Variants in RORA observed in about 807,000 individuals in gnomAD.
The protein encoded by RORA is RAR related orphan receptor A.
A neutral mutation model predicts 69.5 loss-of-function variants in RORA; 7 were observed. That is an observed-to-expected ratio of 0.10 (90% CI 0.06 to 0.19). The LOEUF is 0.19. Among genes scored for constraint, RORA ranks in the 10% least tolerant of loss-of-function variants. The pLI is 1.00. For synonymous variants in RORA, 261 were observed against 240.8 expected (o/e 1.08, Z -0.78); for missense variants, 457 against 663.0 (o/e 0.69, Z 3.41).
rs2079167013 is a variant in RORA, at chr15:61,128,985, A to C, written c.166+100068T>G. 2.0e-5 allele frequency among the ~76,000 whole-genome samples: 3 copies of C among 152,230 alleles called. 1 individual carries two copies. In the South Asian group the frequency reaches 6.2e-4, roughly 31 times the overall value. ...CTTAACCCTTTACAAAATAATAACT[A>C]GTGTCATGAATTAAAATAGCTGAAA... On this transcript the variant is annotated intron_variant, in intron 1 of 10. Transcript: ENST00000335670. The surrounding 1 kb of genome is among the most constrained non-coding windows in gnomAD (Gnocchi z 4.5).
At chr15:61,150,399 G>T in intron 1 of RORA, among the ~76,000 whole-genome samples, 1 of 151,226 alleles carries the variant, frequency 6.6e-6, no homozygotes, top group Middle Eastern at 3.4e-3. Flanking sequence ...CAAATAATAT[G>T]TACATACAAA....
At chr15:61,181,085 CA>C (rs1172055165) in intron 1 of RORA, among the ~76,000 whole-genome samples, 2 of 128,238 alleles carry the variant, frequency 1.6e-5, no homozygotes, top group Non-Finnish European at 3.1e-5. Flanking sequence ...GCCAGGGAGA[CA>C]GAGCGAGATT....
intron 2 of RORA, among the ~76,000 whole-genome samples, chr15:60,626,440 G>GTGA (rs1284524758): frequency 1.3e-5 from 2 of 152,126 alleles, no homozygotes; most frequent in Admixed American, 6.5e-5. Flanking sequence ...AAACTAAAGG[G>GTGA]TGATTCTTGC....
chr15:60,771,563 T>C (rs1233646460), intron 1 of RORA, among the ~76,000 whole-genome samples: 1 of 152,222 alleles, frequency 6.6e-6, no homozygotes, highest in African/African-American at 2.4e-5. Context: ...CACTATTGAT[T>C]GTCACCGAGC....
At chr15:61,201,918 C>T (rs1248654826) in intron 1 of RORA, among the ~76,000 whole-genome samples, 1 of 151,140 alleles carries the variant, frequency 6.6e-6, no homozygotes, top group African/African-American at 2.5e-5. Flanking sequence ...CAAGCGAAAT[C>T]GAACTGACTA....
chr15:60,663,645 G>T (rs2070337156), intron 2 of RORA, among the ~76,000 whole-genome samples: 1 of 152,138 alleles, frequency 6.6e-6, no homozygotes. Context: ...AGTAGAGATG[G>T]GGTTTCACCA....
intron 1 of RORA, among the ~76,000 whole-genome samples, chr15:61,037,734 T>A (rs1042406348): frequency 6.6e-6 from 1 of 152,166 alleles, no homozygotes; most frequent in African/African-American, 2.4e-5. Flanking sequence ...AAGGAGGTCA[T>A]AATCTAGTGG....
intron 1 of RORA, among the ~76,000 whole-genome samples, chr15:60,708,552 C>T (rs1490383068): frequency 6.6e-6 from 1 of 152,112 alleles, no homozygotes; most frequent in Non-Finnish European, 1.5e-5. Flanking sequence ...GGGAGAAACA[C>T]TTACAAATAG....
chr15:60,744,085 CT>C (rs149806580), intron 1 of RORA, among the ~76,000 whole-genome samples: 4,502 of 140,868 alleles, frequency 0.032, 214 homozygotes, highest in African/African-American at 0.11. Flanking sequence ...GGGAAACTTC[CT>C]TTTTTTTTTT....
Position 60,500,975 on chromosome 15 carries a change from A to G in RORA, c.1278T>C (p.Phe426=). 6.3e-7 allele frequency: 1 copy of G among 1,587,782 alleles called. No homozygotes were observed. Among genetic ancestry groups the G allele is most frequent in the African/African-American group, 1.3e-5 (1 of 74,500 alleles). ...TEDEIALFSA[F]VLMSADRSWL... Reference sequence around the variant, plus strand: ...TTGTCTTACCTGCTGACATCAGTACAAATGCAGAAAATAATGCAATTTCAT... The same window carrying G: ...TTGTCTTACCTGCTGACATCAGTACGAATGCAGAAAATAATGCAATTTCAT... Residue 426 remains phenylalanine, a synonymous_variant, in exon 9 of 11, where the codon TTT becomes TTC. Transcript: ENST00000335670.
intron 1 of RORA, among the ~76,000 whole-genome samples, chr15:61,028,203 C>A (rs1271177501): frequency 6.6e-6 from 1 of 152,108 alleles, no homozygotes; most frequent in East Asian, 1.9e-4. Context: ...TACATTTTTG[C>A]AACTTAATTC....
chr15:60,852,431 A>G (rs1280085713), intron 1 of RORA, among the ~76,000 whole-genome samples: 4 of 152,214 alleles, frequency 2.6e-5, no homozygotes, highest in Non-Finnish European at 5.9e-5. Context: ...GTGTCTATAA[A>G]GTGAGGATAA....
chr15:60,928,739 G>A (rs937502653), intron 1 of RORA, among the ~76,000 whole-genome samples: 2 of 152,156 alleles, frequency 1.3e-5, no homozygotes, highest in African/African-American at 4.8e-5. Context: ...AGTTAGGACT[G>A]TGCTGGGAGC....
At chr15:61,185,514 T>C (rs1437117712) in intron 1 of RORA, among the ~76,000 whole-genome samples, 1 of 152,188 alleles carries the variant, frequency 6.6e-6, no homozygotes, top group Non-Finnish European at 1.5e-5. Flanking sequence ...GGCAAAACCT[T>C]AGGATAGCTC....
At chr15:60,597,103 G>A (rs1438105894) in intron 2 of RORA, among the ~76,000 whole-genome samples, 2 of 152,104 alleles carry the variant, frequency 1.3e-5, no homozygotes, top group African/African-American at 4.8e-5. Context: ...CCATTGAAAA[G>A]ATGTTTGCGC....
At chr15:61,205,578 G>A (rs891777654) in intron 1 of RORA, among the ~76,000 whole-genome samples, 6 of 152,158 alleles carry the variant, frequency 3.9e-5, no homozygotes, top group African/African-American at 1.4e-4. Context: ...TAGCACATCC[G>A]TCTCAGGCCT....
chr15:60,955,599 C>A (rs560976236), intron 1 of RORA, among the ~76,000 whole-genome samples: 2 of 152,254 alleles, frequency 1.3e-5, no homozygotes, highest in South Asian at 4.1e-4. Flanking sequence ...GAATTCAACA[C>A]AATAAGAACT....
chr15:60,684,120 C>G (rs988298707), intron 1 of RORA, among the ~76,000 whole-genome samples: 48 of 151,656 alleles, frequency 3.2e-4, no homozygotes, highest in African/African-American at 1.1e-3. Flanking sequence ...TAAGAGGTGG[C>G]ATTTTTCCTC....
In RORA at chr15:61,226,257, G is replaced by A. The variant is rs749924557; in HGVS notation, c.166+2796C>T. Among the ~76,000 whole-genome samples the A allele has an allele frequency of 4.6e-5, 7 of 152,152 alleles. No homozygotes were observed. The highest frequency in any genetic ancestry group is 7.3e-5 in the Non-Finnish European group (5 of 68,032). On this transcript the variant is annotated intron_variant, in intron 1 of 10. Coordinates refer to ENST00000335670, the MANE Select transcript of RORA (RefSeq NM_134261.3). This position sits in a 1 kb window ranked among gnomAD's most constrained non-coding sequence, Gnocchi z 4.2. ...TGGAAAGTATCTCCCAAATCAGAAA[G>A]CTTCCCATTTCACCCAATGCCAAGA... is the stretch of plus-strand genomic sequence containing the variant.
Sources: allele counts gnomAD v4.1 joint callset (sites outside exome capture counted in the v4.1 genomes callset), GRCh38; gene constraint gnomAD v4.1.1; non-coding constraint Gnocchi (gnomAD v3.1); transcripts MANE v1.5; gene names NCBI Gene and HGNC (gene_info 2026-07-23, HGNC 2026-07-21).